ACCS: variants seen among roughly 807,000 people sequenced by gnomAD.
The protein encoded by ACCS is 1-aminocyclopropane-1-carboxylate synthase homolog (inactive), also known as 1-aminocyclopropane-1-carboxylate synthase-like protein 1.
Under a neutral mutation model 59.8 loss-of-function variants are expected in ACCS, and 42 were observed. That is an observed-to-expected ratio of 0.70 (90% CI 0.55 to 0.91). The LOEUF is 0.91. ACCS is among the 40% of genes least tolerant of loss of function. ACCS has a pLI of 0.00. For missense variants in ACCS, 602 were observed against 630.4 expected, an observed-to-expected ratio of 0.95 and a Z score of 0.48; for synonymous variants, 230 against 240.3, an observed-to-expected ratio of 0.96 and a Z score of 0.40.
chr11:44,079,729 T>C, intron 10 of ACCS, 109 bp downstream of exon 10: 1 of 932,446 alleles, frequency 1.1e-6, no homozygotes, highest in South Asian at 1.6e-5. Context: ...CAATTCCATT[T>C]CCACCCAGCT....
At chr11:44,073,683 G>T in intron 4 of ACCS, 166 bp downstream of exon 4, 1 of 678,076 alleles carries the variant, frequency 1.5e-6, no homozygotes, top group Non-Finnish European at 2.4e-6. Flanking sequence ...CCCCCACAAT[G>T]AAGAATGACC....
At position 44,083,781 on chromosome 11, in the gene ACCS, C is replaced by A; in HGVS notation, c.1495C>A (p.Gln499Lys). Residue 499 changes from glutamine (Q) to lysine (K), a missense_variant, in exon 15 of 15, where the codon CAA (glutamine) becomes AAA (lysine). Coordinates refer to ENST00000263776, the MANE Select transcript of ACCS (RefSeq NM_032592.4). ...CTCTCAGAGCCAGGAGCCAAGTGACCAACGCAGGTGAGCTGGTCATTGTCT... is the reference window on the plus strand; with the variant it reads ...CTCTCAGAGCCAGGAGCCAAGTGACAAACGCAGGTGAGCTGGTCATTGTCT... Reference protein sequence around the residue: ...RPSQSQEPSDQRR With the variant: ...RPSQSQEPSDKRR 1 of 1,611,368 alleles carries A rather than the reference C, an allele frequency of 6.2e-7. No homozygotes were observed. Among genetic ancestry groups the A allele is most frequent in the Non-Finnish European group, 8.5e-7 (1 of 1,178,788 alleles).
intron 9 of ACCS, 84 bp downstream of exon 9, chr11:44,078,868 C>G (rs1953502973): frequency 8.7e-7 from 1 of 1,156,010 alleles, no homozygotes; most frequent in Admixed American, 2.0e-5. Context: ...TTTCTACTCT[C>G]TTGACCCCAC....
At chr11:44,079,471 C>T in intron 9 of ACCS, 60 bp from the exon 10 acceptor site, 2 of 1,420,760 alleles carry the variant, frequency 1.4e-6, no homozygotes, top group Non-Finnish European at 2.0e-6. Flanking sequence ...CCTCCCCACC[C>T]TGTGGGACGC....
At chr11:44,067,536 GAGAA>G in intron 1 of ACCS, 88 bp from the exon 2 acceptor site, 1 of 1,347,238 alleles carries the variant, frequency 7.4e-7, no homozygotes, top group Middle Eastern at 2.1e-4. Context: ...GGGCAGATAA[GAGAA>G]AGGGGACTCC....
rs1953496616 is a variant in ACCS, at chr11:44,078,777, G to T, written c.826G>T (p.Ala276Ser). Reference protein sequence around the residue: ...PEELQEYLVFAKRHRLHVIVD... With the variant: ...PEELQEYLVFSKRHRLHVIVD... ...AGAGCTACAGGAGTACCTGGTATTTGCCAAGAGGTGAGGCACCCCACACTG... is the reference window on the plus strand; with the variant it reads ...AGAGCTACAGGAGTACCTGGTATTTTCCAAGAGGTGAGGCACCCCACACTG... Residue 276 changes from alanine (A) to serine (S), a missense_variant, in exon 9 of 15, where the codon GCC (alanine) becomes TCC (serine). Transcript: ENST00000263776. 1 of 1,613,776 alleles carries T rather than the reference G, an allele frequency of 6.2e-7. No individual in the cohort carries two copies. The highest frequency in any genetic ancestry group is 1.7e-5 in the Admixed American group (1 of 59,988).
In ACCS at chr11:44,074,678, G is replaced by T; in HGVS notation, c.486G>T (p.Glu162Asp). The change falls in exon 5 of 15, where the codon GAG becomes GAT. Residue 162 changes from glutamate to aspartate, a missense_variant. By Grantham distance (45) the Glu-to-Asp change is conservative. Transcript: ENST00000263776. Reference protein sequence around the residue: ...YCKSPVPLRPENVVVLNGGAS... With the variant: ...YCKSPVPLRPDNVVVLNGGAS... ...AGAGCCCAGTACCCCTCAGACCAGA[G>T]AATGTGAGTGGCCCCCTCCACTGCT... 1.2e-6 allele frequency: 2 copies of T among 1,604,132 alleles called. No homozygotes were observed. Among genetic ancestry groups the T allele is most frequent in the Non-Finnish European group, 1.7e-6 (2 of 1,175,984 alleles).
chr11:44,078,567 A>T, intron 8 of ACCS, 117 bp from the exon 9 acceptor site: 1 of 729,330 alleles, frequency 1.4e-6, no homozygotes, highest in African/African-American at 1.8e-5. Context: ...ATGTTGTGTT[A>T]TGAACATGTC....
At chr11:44,071,521 G>A in intron 3 of ACCS, 1 of 555,258 alleles carries the variant, frequency 1.8e-6, no homozygotes, top group South Asian at 2.6e-5. Flanking sequence ...CTTCATCTCT[G>A]TAGACTCTTA....
intron 3 of ACCS, chr11:44,073,210 T>A: frequency 5.7e-6 from 3 of 529,746 alleles, no homozygotes; most frequent in Non-Finnish European, 3.4e-6. Context: ...GAGTCAAAAA[T>A]TTTGGGTTTT....
At chr11:44,067,125 T>C (rs903233206) in intron 1 of ACCS, 1 of 156,442 alleles carries the variant, frequency 6.4e-6, no homozygotes, top group Non-Finnish European at 1.4e-5. Flanking sequence ...TCTGCCTGGG[T>C]TGCCTGCACT....
Position 44,069,833 on chromosome 11 carries a change from C to G in ACCS, c.289-1423C>G, listed in dbSNP as rs566987573. Among the ~76,000 whole-genome samples the G allele has an allele frequency of 1.2e-3, 189 of 152,308 alleles. 1 individual carries two copies. Among genetic ancestry groups the G allele is most frequent in the African/African-American group, 4.4e-3 (183 of 41,560 alleles). ...TATAACCTAACTTTGGAAGTGACAT[C>G]CCATCACATCTGCCTATTCTGTTAA... On this transcript the variant is annotated intron_variant, in intron 2 of 14. Transcript: ENST00000263776.
intron 2 of ACCS, among the ~76,000 whole-genome samples, chr11:44,070,358 G>A (rs1952993186): frequency 1.3e-5 from 2 of 152,152 alleles, no homozygotes; most frequent in Admixed American, 6.5e-5. Context: ...TCCCAGCAGT[G>A]GAGGGTGAGA....
At chr11:44,068,991 G>C (rs1170993967) in intron 2 of ACCS, among the ~76,000 whole-genome samples, 3 of 152,182 alleles carry the variant, frequency 2.0e-5, no homozygotes, top group Non-Finnish European at 2.9e-5. Flanking sequence ...AGAAGACAGA[G>C]AAAGATGGGT....
intron 12 of ACCS, among the ~76,000 whole-genome samples, chr11:44,081,696 A>G (rs1460088770): frequency 6.6e-6 from 1 of 152,210 alleles, no homozygotes; most frequent in African/African-American, 2.4e-5. Flanking sequence ...AGGGTCGAGC[A>G]TGGAGGTTCA....
intron 1 of ACCS, among the ~76,000 whole-genome samples, 177 bp from the exon 2 acceptor site, chr11:44,067,451 T>G (rs1565166890): frequency 6.6e-6 from 1 of 152,188 alleles, no homozygotes; most frequent in Non-Finnish European, 1.5e-5. Flanking sequence ...AACAGATTTT[T>G]CTTGTTGAAG....
chr11:44,082,211 T>C (rs918454741), intron 12 of ACCS: 1 of 152,126 alleles, frequency 6.6e-6, no homozygotes, highest in Non-Finnish European at 1.5e-5. Flanking sequence ...TTCAGCCACT[T>C]TGGAAAAGAA....
At chr11:44,074,821 T>A (rs1953271685) in intron 5 of ACCS, 140 bp downstream of exon 5, 1 of 405,206 alleles carries the variant, frequency 2.5e-6, no homozygotes, top group Non-Finnish European at 4.0e-6. Flanking sequence ...TCTTTTTTTT[T>A]TTTTTATTTT....
intron 9 of ACCS, 111 bp from the exon 10 acceptor site, chr11:44,079,420 C>A: frequency 1.2e-6 from 1 of 821,316 alleles, no homozygotes; most frequent in Non-Finnish European, 2.0e-6. Context: ...GTTTGGTAAC[C>A]CCGGGCTAGA....
Sources: allele counts gnomAD v4.1 joint callset (sites outside exome capture counted in the v4.1 genomes callset), GRCh38; gene constraint gnomAD v4.1.1; transcripts MANE v1.5; gene names NCBI Gene and HGNC (gene_info 2026-07-23, HGNC 2026-07-21).